The following EDC3 variants were observed in gnomAD, a reference collection of about 807,000 sequenced individuals.
EDC3 encodes the protein enhancer of mRNA-decapping protein 3.
A neutral mutation model predicts 41.8 loss-of-function variants in EDC3; 20 were observed. The ratio of observed to expected loss-of-function variants is 0.48; its 90% CI spans 0.34 to 0.70. The LOEUF is 0.70. EDC3 is among the 30% of genes least tolerant of loss of function. The pLI, the probability that EDC3 is intolerant of heterozygous loss-of-function variation, is 0.01. For missense variants in EDC3, 444 were observed against 636.8 expected (o/e 0.70, Z 3.26); for synonymous variants, 206 against 243.2 (o/e 0.85, Z 1.42).
chr15:74,635,649 A>G (rs1479925607), intron 5 of EDC3, 23 bp from the exon 6 acceptor site: 2 of 1,605,700 alleles, frequency 1.2e-6, no homozygotes, highest in Admixed American at 3.3e-5. Context: ...GTGAAGAAGC[A>G]GTATCAGCTA....
chr15:74,656,196 A>T, intron 3 of EDC3, 128 bp from the exon 4 acceptor site: 2 of 855,244 alleles, frequency 2.3e-6, no homozygotes, highest in Non-Finnish European at 3.6e-6. Flanking sequence ...TAACTATTGC[A>T]AACTCATATT....
At chr15:74,690,916 C>T (rs1209628638) in intron 1 of EDC3, among the ~76,000 whole-genome samples, 1 of 152,186 alleles carries the variant, frequency 6.6e-6, no homozygotes, top group East Asian at 1.9e-4. Flanking sequence ...TGGTGGCTCA[C>T]GCCTCAGGTG....
At chr15:74,672,186 G>A (rs1304566513) in intron 2 of EDC3, among the ~76,000 whole-genome samples, 6 of 149,620 alleles carry the variant, frequency 4.0e-5, no homozygotes, top group African/African-American at 7.4e-5. Context: ...GGAGAATGGC[G>A]TGAACCCGGG....
At chr15:74,694,817 G>A (rs2063047559) in intron 1 of EDC3, among the ~76,000 whole-genome samples, 1 of 152,154 alleles carries the variant, frequency 6.6e-6, no homozygotes, top group Admixed American at 6.6e-5. Flanking sequence ...AAAAAATTTT[G>A]AGACACTTTT....
intron 1 of EDC3, among the ~76,000 whole-genome samples, chr15:74,680,264 A>C (rs1458811940): frequency 6.9e-6 from 1 of 145,786 alleles, no homozygotes; most frequent in African/African-American, 2.5e-5. Flanking sequence ...CCATCTCAAA[A>C]AAAAAAAAAA....
chr15:74,659,054 T>C (rs984167426), intron 3 of EDC3, among the ~76,000 whole-genome samples: 1 of 152,114 alleles, frequency 6.6e-6, no homozygotes, highest in Non-Finnish European at 1.5e-5. Flanking sequence ...TAGCCACAGT[T>C]TGGGTTAAGT....
At chr15:74,681,062 A>G (rs2062865250) in intron 1 of EDC3, among the ~76,000 whole-genome samples, 1 of 152,250 alleles carries the variant, frequency 6.6e-6, no homozygotes. Flanking sequence ...ATAAAGGATC[A>G]ATGCAATTCT....
rs144174126 is a variant in EDC3 at position 74,635,499 on chromosome 15, G to C, written c.1102C>G (p.Leu368Val). 8.7e-6 allele frequency: 14 copies of C among 1,614,124 alleles called. No individual in the cohort carries two copies. In the Admixed American group the frequency reaches 2.2e-4, roughly 25 times the overall value. ...ANHDVQVILF[L>V]PNFVKMLESI... ...TCCAACATCTTGACAAAATTGGGCA[G>C]GAAAAGGATGACCTGGACATCATGG... Residue 368 changes from leucine to valine, a missense_variant, in exon 6 of 7, where the codon CTG (leucine) becomes GTG (valine). By Grantham distance (32) the Leu-to-Val change is conservative. Transcript: ENST00000315127.
At chr15:74,681,665 T>C (rs531916651) in intron 1 of EDC3, among the ~76,000 whole-genome samples, 2 of 152,314 alleles carry the variant, frequency 1.3e-5, no homozygotes, top group South Asian at 2.1e-4. Context: ...GCATAGTTTT[T>C]ACAACAAATA....
At chr15:74,649,003 C>T (rs1241060820) in intron 4 of EDC3, among the ~76,000 whole-genome samples, 1 of 151,888 alleles carries the variant, frequency 6.6e-6, no homozygotes, top group Admixed American at 6.6e-5. Flanking sequence ...AGCAATCCCC[C>T]AACCTGTGCC....
At chr15:74,680,001 GC>G (rs1567178935) in intron 1 of EDC3, 2 of 148,276 alleles carry the variant, frequency 1.3e-5, no homozygotes, top group African/African-American at 5.0e-5. Flanking sequence ...GGTGGCTCAC[GC>G]CTGTAATCCC....
intron 1 of EDC3, among the ~76,000 whole-genome samples, chr15:74,687,624 C>A (rs894356581): frequency 1.1e-4 from 16 of 152,180 alleles, no homozygotes; most frequent in Admixed American, 5.2e-4. Context: ...GTGATCTGCT[C>A]ACCTCAGCCT....
At chr15:74,676,968 C>T (rs373235571) in intron 1 of EDC3, 6 of 152,330 alleles carry the variant, frequency 3.9e-5, no homozygotes, top group African/African-American at 1.4e-4. Flanking sequence ...ATCCAAAACA[C>T]TGACAACACC....
chr15:74,684,448 G>A (rs1208830002), intron 1 of EDC3, among the ~76,000 whole-genome samples: 1 of 147,714 alleles, frequency 6.8e-6, no homozygotes, highest in Admixed American at 6.8e-5. Flanking sequence ...TTACAGGCAT[G>A]GGCTACCATG....
chr15:74,668,012 G>T (rs2062696558), intron 3 of EDC3, among the ~76,000 whole-genome samples: 1 of 152,088 alleles, frequency 6.6e-6, no homozygotes, highest in South Asian at 2.1e-4. Context: ...ATAAACCATG[G>T]TGATAATATA....
At chr15:74,648,367 GA>G (rs939048613) in intron 4 of EDC3, among the ~76,000 whole-genome samples, 1 of 152,214 alleles carries the variant, frequency 6.6e-6, no homozygotes, top group Non-Finnish European at 1.5e-5. Flanking sequence ...GGCAGGAATG[GA>G]ATGCCAGCTG....
At chr15:74,684,425 C>T (rs1483943031) in intron 1 of EDC3, among the ~76,000 whole-genome samples, 1 of 140,624 alleles carries the variant, frequency 7.1e-6, no homozygotes, top group Non-Finnish European at 1.5e-5. Context: ...CTCGGCCTCC[C>T]AAAGTGCTAA....
chr15:74,632,420 G>A lies in EDC3; in HGVS notation c.*192C>T. On this transcript the variant is annotated 3_prime_UTR_variant, in exon 7 of 7. Coordinates refer to ENST00000315127, the MANE Select transcript of EDC3 (RefSeq NM_025083.5). This position sits in a 1 kb window ranked among gnomAD's most constrained non-coding sequence, Gnocchi z 4.0. ...CACGCTCAGCCTGCCACCCAGCCCG[G>A]AACCCAGTGGGAAAGACTTCCCTGG... 1 of 692,712 alleles carries A rather than the reference G, an allele frequency of 1.4e-6. No homozygotes were observed. The highest frequency in any genetic ancestry group is 2.4e-6 in the Non-Finnish European group (1 of 423,362). 42.9% of individuals were successfully genotyped at this position (692,712 alleles called of 1,614,324 possible).
At chr15:74,640,151 C>T (rs1003218216) in intron 5 of EDC3, 6 of 288,478 alleles carry the variant, frequency 2.1e-5, no homozygotes, top group African/African-American at 1.3e-4. Flanking sequence ...TGATGAGTGC[C>T]AAAGGCCAGG....
Sources: gnomAD v4.1 joint callset for allele counts (sites outside exome capture counted in the v4.1 genomes callset) on GRCh38, gnomAD v4.1.1 for gene constraint, Gnocchi (gnomAD v3.1) non-coding constraint, MANE v1.5 for transcripts, NCBI Gene and HGNC (gene_info 2026-07-23, HGNC 2026-07-21) for gene names.